Variants in EYA1 observed in about 807,000 individuals in gnomAD.
EYA1 encodes the protein EYA transcriptional coactivator and phosphatase 1.
EYA1 carries 16 observed loss-of-function variants against 82.0 expected under a neutral mutation model. The ratio of observed to expected loss-of-function variants is 0.20; its 90% CI spans 0.13 to 0.30. The LOEUF (loss-of-function observed/expected upper bound fraction) is 0.30, where lower values mean the gene tolerates loss of function less well. Among genes scored for constraint, EYA1 ranks in the 10% least tolerant of loss-of-function variants. The probability of loss-of-function intolerance (pLI) is 1.00; values close to 1 mark genes in which losing one functional copy is unlikely to be tolerated. For synonymous variants in EYA1, 261 were observed against 264.4 expected (o/e 0.99, Z 0.12); for missense variants, 633 against 730.7 (o/e 0.87, Z 1.54).
chr8:71,230,772 T>C (rs1585890127), intron 12 of EYA1, among the ~76,000 whole-genome samples: 1 of 152,258 alleles, frequency 6.6e-6, no homozygotes, highest in South Asian at 2.1e-4. Flanking sequence ...ATGGCCACAG[T>C]TGCCTCACAT....
At chr8:71,339,599 T>C (rs1018607069) in intron 3 of EYA1, among the ~76,000 whole-genome samples, 1 of 150,738 alleles carries the variant, frequency 6.6e-6, no homozygotes, top group East Asian at 2.0e-4. Flanking sequence ...CCAACTATTT[T>C]CTAAAGAATG....
chr8:71,473,113 C>A (rs1025586958), intron 2 of EYA1, among the ~76,000 whole-genome samples: 1 of 151,538 alleles, frequency 6.6e-6, no homozygotes, highest in African/African-American at 2.4e-5. Context: ...TAAAAGAGGG[C>A]AAATACAATA....
chr8:71,248,762 G>A (rs545458283), intron 11 of EYA1, among the ~76,000 whole-genome samples: 156 of 152,230 alleles, frequency 1.0e-3, no homozygotes, highest in Non-Finnish European at 1.8e-3. Flanking sequence ...TAGCTAATAC[G>A]TTAACACTGT....
chr8:71,215,481 T>C lies in EYA1; in HGVS notation c.1503A>G (p.Thr501=). Reference sequence around the variant, plus strand: ...CCAATGCTGGGATGAGCTGAGTAGTTGTTACTAAAATATTCACACAGTTTG... The same window carrying C: ...CCAATGCTGGGATGAGCTGAGTAGTCGTTACTAAAATATTCACACAGTTTG... ...SRTNCVNILV[T]TTQLIPALAK... is the part of the protein sequence containing the mutation. Residue 501 remains threonine, a synonymous_variant, in exon 16 of 18, where the codon ACA becomes ACG. Transcript: ENST00000340726. The C allele has an allele frequency of 6.2e-7, 1 of 1,613,822 alleles. No homozygotes were observed. The highest frequency in any genetic ancestry group is 8.5e-7 in the Non-Finnish European group (1 of 1,179,668).
chr8:71,207,087 C>A (rs369502128), intron 17 of EYA1, among the ~76,000 whole-genome samples: 1 of 152,242 alleles, frequency 6.6e-6, no homozygotes, highest in East Asian at 1.9e-4. Flanking sequence ...TATGATTAAT[C>A]CTACAGCATA....
chr8:71,537,691 T>A (rs1479978041), intron 1 of EYA1, among the ~76,000 whole-genome samples: 1 of 152,162 alleles, frequency 6.6e-6, no homozygotes, highest in East Asian at 1.9e-4. Context: ...TAAATTCCCA[T>A]CCTTTCCATA....
intron 9 of EYA1, among the ~76,000 whole-genome samples, chr8:71,281,624 T>A (rs1313085826): frequency 6.6e-6 from 1 of 152,244 alleles, no homozygotes; most frequent in African/African-American, 2.4e-5. Flanking sequence ...GATTCTTGCA[T>A]CACTGGGGTT....
At chr8:71,548,093 C>G (rs1029544772) in exon 1 of EYA1, 1 of 152,228 alleles carries the variant, frequency 6.6e-6, no homozygotes, top group Non-Finnish European at 1.5e-5. Flanking sequence ...CGCGCGGCTC[C>G]GAGTGCACAG....
chr8:71,211,233 T>C lies in EYA1; in HGVS notation c.1621A>G (p.Ile541Val), dbSNP rs753553594. ...ACTTTTCTTCCAAACCTTTGAATTA[T>C]TCTCTCAAAACAGCTTTCTTTTCCT... Reference protein sequence around the residue: ...KIGKESCFERIIQRFGRKVVY... With the variant: ...KIGKESCFERVIQRFGRKVVY... The change falls in exon 17 of 18, where the codon ATA (isoleucine) becomes GTA (valine). Residue 541 changes from isoleucine (I) to valine (V), a missense_variant. Transcript: ENST00000340726. The C allele has an allele frequency of 2.5e-6, 4 of 1,612,520 alleles. No homozygotes were observed. The Admixed American group carries it at 6.7e-5, about 27-fold the overall frequency.
At chr8:71,483,576 AT>A (rs1221249569) in intron 2 of EYA1, among the ~76,000 whole-genome samples, 1 of 151,742 alleles carries the variant, frequency 6.6e-6, no homozygotes, top group East Asian at 1.9e-4. Flanking sequence ...AAAACACCAC[AT>A]TTTTTATGTG....
At chr8:71,379,789 C>T (rs16937616) in intron 2 of EYA1, among the ~76,000 whole-genome samples, 5,503 of 152,068 alleles carry the variant, frequency 0.036, 312 homozygotes, top group African/African-American at 0.13. Context: ...CTCAATTTAT[C>T]CAGTGTACAG....
chr8:71,225,119 T>A, intron 12 of EYA1: 1 of 351,280 alleles, frequency 2.8e-6, no homozygotes, highest in South Asian at 2.2e-5. Context: ...AAGAGGAGAC[T>A]GCCCAACTGA....
intron 2 of EYA1, among the ~76,000 whole-genome samples, chr8:71,492,534 A>G (rs374876741): frequency 2.5e-4 from 37 of 148,626 alleles, no homozygotes; most frequent in Middle Eastern, 3.5e-3. Flanking sequence ...GCGTGATCTC[A>G]GCTCACTGCA....
At chr8:71,339,552 T>C (rs947154684) in intron 3 of EYA1, among the ~76,000 whole-genome samples, 9 of 150,952 alleles carry the variant, frequency 6.0e-5, no homozygotes, top group African/African-American at 1.9e-4. Context: ...TCCCTCACCA[T>C]CTTTGGCCCT....
intron 12 of EYA1, chr8:71,225,094 G>A (rs550115885): frequency 2.8e-5 from 8 of 281,730 alleles, no homozygotes; most frequent in Middle Eastern, 4.2e-4. Flanking sequence ...TTTTACTTGC[G>A]TGTTTTTCTC....
intron 16 of EYA1, among the ~76,000 whole-genome samples, chr8:71,212,364 A>G (rs1808617350): frequency 6.6e-6 from 1 of 152,246 alleles, no homozygotes; most frequent in African/African-American, 2.4e-5. Context: ...TGAAATATTA[A>G]ATCACTTTAA....
intron 4 of EYA1, among the ~76,000 whole-genome samples, chr8:71,332,802 T>C (rs772815235): frequency 1.3e-5 from 2 of 152,184 alleles, no homozygotes; most frequent in East Asian, 3.9e-4. Flanking sequence ...TCTCATACTG[T>C]ACACACACCA....
chr8:71,293,937 A>C (rs1029256703), intron 9 of EYA1, among the ~76,000 whole-genome samples: 1 of 151,506 alleles, frequency 6.6e-6, no homozygotes, highest in Non-Finnish European at 1.5e-5. Context: ...TTACTAATGC[A>C]ATAAGAAAAT....
intron 2 of EYA1, among the ~76,000 whole-genome samples, chr8:71,448,508 T>C (rs1008205295): frequency 6.6e-6 from 1 of 152,182 alleles, no homozygotes. Context: ...CTCCTCCAAC[T>C]TACCCATGGA....
Sources: allele counts gnomAD v4.1 joint callset (sites outside exome capture counted in the v4.1 genomes callset), GRCh38; gene constraint gnomAD v4.1.1; transcripts MANE v1.5; gene names NCBI Gene and HGNC (gene_info 2026-07-23, HGNC 2026-07-21).